The following PDC variants were observed in gnomAD, a reference collection of about 807,000 sequenced individuals.
PDC encodes 33 kDa phototransducing protein.
PDC carries 19 observed loss-of-function variants against 22.2 expected under a neutral mutation model. That is an observed-to-expected ratio of 0.86 (90% CI 0.60 to 1.26). PDC has a LOEUF of 1.26. Ranked by LOEUF, PDC falls within the 50% of genes most tolerant of loss-of-function variation. PDC has a pLI of 0.00. For missense variants in PDC, 274 were observed against 286.8 expected (o/e 0.96, Z 0.32); for synonymous variants, 97 against 96.2 (o/e 1.01, Z -0.05).
At chr1:186,455,122 A>C (rs368074740) in intron 1 of PDC, among the ~76,000 whole-genome samples, 1 of 152,172 alleles carries the variant, frequency 6.6e-6, no homozygotes, top group Non-Finnish European at 1.5e-5. Context: ...TAATTTTCTC[A>C]TAGTTCCAGA....
At chr1:186,448,908 GA>G (rs1472183164) in intron 2 of PDC, among the ~76,000 whole-genome samples, 1 of 151,958 alleles carries the variant, frequency 6.6e-6, no homozygotes, top group African/African-American at 2.4e-5. Flanking sequence ...AACAGATTAA[GA>G]AAACAGACTC....
intron 1 of PDC, chr1:186,450,980 G>T (rs921477667): frequency 3.3e-5 from 5 of 151,858 alleles, no homozygotes; most frequent in Admixed American, 3.3e-4. Context: ...GCACTATATC[G>T]CACAGTTTAT....
In PDC at chr1:186,444,519, A is replaced by C; in HGVS notation, c.214-13T>G. The C allele has an allele frequency of 6.6e-7, 1 of 1,509,518 alleles. No individual in the cohort carries two copies. The highest frequency in any genetic ancestry group is 1.4e-5 in the African/African-American group (1 of 72,358). 93.5% of individuals were successfully genotyped at this position (1,509,518 alleles called of 1,614,324 possible). The stretch of plus-strand genomic sequence containing the variant: ...CTTGAATGCTCATCTGAGAATAAAG[A>C]AATGATAGAAATTATTAAGTCAGAA... On this transcript the variant is annotated splice_polypyrimidine_tract_variant and intron_variant, in intron 3 of 3. Coordinates refer to ENST00000391997, the MANE Select transcript of PDC (RefSeq NM_002597.5).
At chr1:186,454,468 C>T (rs920866823) in intron 1 of PDC, among the ~76,000 whole-genome samples, 6 of 152,002 alleles carry the variant, frequency 3.9e-5, no homozygotes, top group African/African-American at 1.5e-4. Context: ...AGCCACCGCA[C>T]CTGGCCTATT....
chr1:186,451,762 A>G (rs551712840), intron 1 of PDC: 1 of 152,354 alleles, frequency 6.6e-6, no homozygotes, highest in East Asian at 1.9e-4. Context: ...TAATGAAAAG[A>G]TAATCCAGTT....
At chr1:186,458,273 G>A (rs1460357569) in intron 1 of PDC, among the ~76,000 whole-genome samples, 3 of 124,762 alleles carry the variant, frequency 2.4e-5, no homozygotes, top group Non-Finnish European at 1.6e-5. Flanking sequence ...TGAGACAAGA[G>A]CACAACTTTT....
chr1:186,453,256 G>A (rs1229029102), intron 1 of PDC, among the ~76,000 whole-genome samples: 1 of 152,004 alleles, frequency 6.6e-6, no homozygotes, highest in Non-Finnish European at 1.5e-5. Context: ...AATATAAATG[G>A]TCCTGCATGT....
At position 186,449,492 on chromosome 1, in the gene PDC, G is replaced by A; in HGVS notation, c.-24-9C>T. On this transcript the variant is annotated splice_polypyrimidine_tract_variant and intron_variant, in intron 1 of 3. Transcript: ENST00000391997. Reference sequence around the variant, plus strand: ...ACTGGATTTGATATAATCTATAGGAGGAACAAAGAAATAATAATGACACAA... The same window carrying A: ...ACTGGATTTGATATAATCTATAGGAAGAACAAAGAAATAATAATGACACAA... 1.5e-6 allele frequency: 2 copies of A among 1,343,822 alleles called. No individual in the cohort carries two copies. The highest frequency in any genetic ancestry group is 2.1e-6 in the Non-Finnish European group (2 of 942,752). The allele number at this position is 1,343,822 out of a possible 1,614,324, so 83.2% of individuals were successfully genotyped here.
chr1:186,448,712 T>C, intron 2 of PDC: 1 of 947,670 alleles, frequency 1.1e-6, no homozygotes, highest in Non-Finnish European at 1.3e-6. Flanking sequence ...ATAAAATAAA[T>C]CTCCACACAT....
rs56927589 is a variant in PDC, at chr1:186,459,752, GTATATATA to G, written c.-25+1299_-25+1306del. Among the ~76,000 whole-genome samples, 663 of 112,086 alleles carry G rather than the reference GTATATATA, an allele frequency of 5.9e-3. 10 individuals carry two copies. Among genetic ancestry groups the G allele is most frequent in the East Asian group, 0.031 (122 of 3,962 alleles). The allele number at this position is 112,086 out of a possible 152,430, so 73.5% of individuals were successfully genotyped here. A position where few individuals can be genotyped will look rare whatever the true frequency, so the allele number is the denominator to read the frequency against. On this transcript the variant is annotated intron_variant, in intron 1 of 3. Coordinates refer to ENST00000391997, the MANE Select transcript of PDC (RefSeq NM_002597.5). ...TACAATGGACAATATGTGTGTGTGT[GTATATATA>G]TATATATATATATATATATATTTAA... is the stretch of plus-strand genomic sequence containing the variant.
intron 1 of PDC, among the ~76,000 whole-genome samples, chr1:186,455,485 T>C (rs1463464976): frequency 6.6e-6 from 1 of 152,176 alleles, no homozygotes; most frequent in Non-Finnish European, 1.5e-5. Context: ...AGCCTGCCTT[T>C]TCTTTAATTT....
At chr1:186,450,840 C>T (rs2102132730) in intron 1 of PDC, among the ~76,000 whole-genome samples, 1 of 152,192 alleles carries the variant, frequency 6.6e-6, no homozygotes, top group Non-Finnish European at 1.5e-5. Flanking sequence ...CTCAGGGGTC[C>T]ATATAGTTGT....
In PDC at chr1:186,446,440, G is replaced by A. The variant is rs1242494383; in HGVS notation, c.199C>T (p.Arg67Ter). The A allele has an allele frequency of 8.8e-6, 14 of 1,598,588 alleles. No individual in the cohort carries two copies. The highest frequency in any genetic ancestry group is 1.7e-4 in the Middle Eastern group (1 of 5,998). ...QSRNGKDSKE[R>*]VSRKMSIQEY... Reference sequence around the variant, plus strand: ...TATTATCTTACCTTTCTGCTGACTCGTTCCTTTGAATCTTTGCCATTCCTA... The same window carrying A: ...TATTATCTTACCTTTCTGCTGACTCATTCCTTTGAATCTTTGCCATTCCTA... The change falls in exon 3 of 4, where the codon CGA becomes TGA. Residue 67 changes from arginine (R) to a stop codon, truncating the protein, a stop_gained. Coordinates refer to ENST00000391997, the MANE Select transcript of PDC (RefSeq NM_002597.5). LOFTEE classifies it high-confidence loss of function.
At chr1:186,455,121 C>T (rs369845034) in intron 1 of PDC, among the ~76,000 whole-genome samples, 25 of 152,254 alleles carry the variant, frequency 1.6e-4, no homozygotes, top group African/African-American at 5.8e-4. Flanking sequence ...TTAATTTTCT[C>T]ATAGTTCCAG....
At chr1:186,449,297 G>T (rs1362299216) in intron 2 of PDC, 102 bp downstream of exon 2, 2 of 524,942 alleles carry the variant, frequency 3.8e-6, no homozygotes, top group African/African-American at 1.9e-5. Flanking sequence ...TTTATATAAA[G>T]ATATTACTTA....
At chr1:186,451,039 A>C (rs1444896853) in intron 1 of PDC, 1 of 152,156 alleles carries the variant, frequency 6.6e-6, no homozygotes. Flanking sequence ...TCAATCCTGC[A>C]TTTGGTCTGT....
intron 1 of PDC, among the ~76,000 whole-genome samples, chr1:186,452,549 A>T (rs57020886): frequency 3.4e-4 from 52 of 152,332 alleles, no homozygotes; most frequent in African/African-American, 1.1e-3. Flanking sequence ...GGTACAAGTA[A>T]TTTAATTGAA....
intron 1 of PDC, among the ~76,000 whole-genome samples, chr1:186,456,002 T>A (rs879440786): frequency 0.047 from 3,099 of 66,016 alleles, 53 homozygotes; most frequent in East Asian, 0.1. Context: ...AAAATATATA[T>A]ATATATATAT....
intron 1 of PDC, among the ~76,000 whole-genome samples, chr1:186,458,932 CA>C (rs1662524226): frequency 1.3e-5 from 2 of 152,188 alleles, no homozygotes; most frequent in African/African-American, 4.8e-5. Context: ...GAGGCCAAGG[CA>C]GGTGGATCAC....
Sources: allele counts gnomAD v4.1 joint callset (sites outside exome capture counted in the v4.1 genomes callset), GRCh38; gene constraint gnomAD v4.1.1; transcripts MANE v1.5; gene names NCBI Gene and HGNC (gene_info 2026-07-23, HGNC 2026-07-21).